Variants in LOXL2 observed in about 807,000 individuals in gnomAD.
LOXL2 encodes the protein lysyl oxidase like 2, also known as lysyl oxidase homolog 2.
A neutral mutation model predicts 93.0 loss-of-function variants in LOXL2; 70 were observed. That is an observed-to-expected ratio of 0.75 (90% CI 0.62 to 0.92). The LOEUF is 0.92. Among genes scored for constraint, LOXL2 ranks in the 40% least tolerant of loss-of-function variants. The probability of loss-of-function intolerance (pLI) is 0.00; values close to 1 mark genes in which losing one functional copy is unlikely to be tolerated. For missense variants in LOXL2, 973 were observed against 1,054.9 expected, an observed-to-expected ratio of 0.92 and a Z score of 1.08; for synonymous variants, 438 against 413.2, an observed-to-expected ratio of 1.06 and a Z score of -0.73.
At chr8:23,361,161 A>C (rs1489748465) in intron 2 of LOXL2, among the ~76,000 whole-genome samples, 1 of 152,030 alleles carries the variant, frequency 6.6e-6, no homozygotes, top group African/African-American at 2.4e-5. Context: ...AGCCTCACAA[A>C]GTGCTGGGAT....
At chr8:23,338,425 G>T (rs1803830658) in intron 4 of LOXL2, among the ~76,000 whole-genome samples, 1 of 152,090 alleles carries the variant, frequency 6.6e-6, no homozygotes. Flanking sequence ...CGGGGTGGGG[G>T]GGCCCAAGGT....
Position 23,333,432 on chromosome 8 carries a change from G to A in LOXL2, c.935C>T (p.Pro312Leu), listed in dbSNP as rs1803737711. The change falls in exon 5 of 14, where the codon CCC becomes CTC. Residue 312 changes from proline (P) to leucine (L), a missense_variant. Coordinates refer to ENST00000389131, the MANE Select transcript of LOXL2 (RefSeq NM_002318.3). ...VPGQVFSPDGPSRFRKAYKPE... is the reference protein window; with the variant it reads ...VPGQVFSPDGLSRFRKAYKPE... The stretch of plus-strand genomic sequence containing the variant: ...CTTGTACGCTTTCCGGAATCTTGAG[G>A]GTCCGTCAGGGCTGAAGACCTGCCC... 1.2e-6 allele frequency: 2 copies of A among 1,613,858 alleles called. No individual in the cohort carries two copies. Among genetic ancestry groups the A allele is most frequent in the Non-Finnish European group, 1.7e-6 (2 of 1,180,024 alleles).
At chr8:23,392,570 C>T (rs1040127077) in intron 1 of LOXL2, among the ~76,000 whole-genome samples, 1 of 152,196 alleles carries the variant, frequency 6.6e-6, no homozygotes, top group East Asian at 1.9e-4. Flanking sequence ...TAGTCTTACT[C>T]CATCTCCAGA....
At chr8:23,304,703 TC>T (rs758263104) in intron 10 of LOXL2, among the ~76,000 whole-genome samples, 2 of 152,020 alleles carry the variant, frequency 1.3e-5, no homozygotes, top group Admixed American at 1.3e-4. Flanking sequence ...GACATACCTG[TC>T]CCCTTCCTCG....
intron 2 of LOXL2, among the ~76,000 whole-genome samples, chr8:23,362,693 C>T (rs1804320533): frequency 6.6e-6 from 1 of 152,052 alleles, no homozygotes; most frequent in African/African-American, 2.4e-5. Flanking sequence ...GTGATTGTGC[C>T]ATTGCATTCC....
intron 1 of LOXL2, among the ~76,000 whole-genome samples, chr8:23,378,916 G>A (rs979473614): frequency 6.6e-6 from 1 of 152,186 alleles, no homozygotes; most frequent in African/African-American, 2.4e-5. Context: ...TTGATCGTCT[G>A]AAGCCTTCTT....
At chr8:23,320,894 C>G (rs1158684785) in intron 7 of LOXL2, among the ~76,000 whole-genome samples, 1 of 70,800 alleles carries the variant, frequency 1.4e-5, no homozygotes, top group African/African-American at 4.3e-5. Context: ...GGCAACAGAG[C>G]AAGACCGTCT....
intron 3 of LOXL2, among the ~76,000 whole-genome samples, chr8:23,354,672 C>T (rs1348175379): frequency 1.3e-5 from 2 of 150,958 alleles, no homozygotes; most frequent in Non-Finnish European, 3.0e-5. Context: ...TGGGCACACA[C>T]TATGTGGGAT....
At position 23,328,559 on chromosome 8, in the gene LOXL2, G is replaced by A. The variant is rs1190568636; in HGVS notation, c.973C>T (p.Leu325=). 17 of 1,613,858 alleles carry A rather than the reference G, an allele frequency of 1.1e-5. 1 individual carries two copies. The highest frequency in any genetic ancestry group is 6.7e-5 in the East Asian group (3 of 44,872). Residue 325 remains leucine, a synonymous_variant, in exon 6 of 14, where the codon CTG becomes TTG. Coordinates refer to ENST00000389131, the MANE Select transcript of LOXL2 (RefSeq NM_002318.3). The part of the protein sequence containing the change: ...FRKAYKPEQP[L]VRLRGGAYIG... ...TAGGCACCGCCTCTCAGTCGCACCA[G>A]GGGTTGCTGAAGAGACACACGGTCC...
intron 4 of LOXL2, among the ~76,000 whole-genome samples, chr8:23,339,231 G>A (rs1034509367): frequency 1.3e-5 from 2 of 152,182 alleles, no homozygotes; most frequent in African/African-American, 2.4e-5. Flanking sequence ...TCCTCTGCTA[G>A]GAAGGCAGCC....
chr8:23,348,261 T>TG (rs369269603), intron 3 of LOXL2, among the ~76,000 whole-genome samples: 1 of 14,226 alleles, frequency 7.0e-5, no homozygotes, highest in Admixed American at 9.5e-4. Context: ...TGTCGTGGGG[T>TG]GGGGGGAGGG....
chr8:23,317,194 A>G, intron 8 of LOXL2, 80 bp from the exon 9 acceptor site: 1 of 1,455,186 alleles, frequency 6.9e-7, no homozygotes, highest in East Asian at 2.3e-5. Flanking sequence ...TTGCAGCCTC[A>G]CAAAAATCCC....
intron 4 of LOXL2, among the ~76,000 whole-genome samples, chr8:23,338,747 C>G (rs1373344948): frequency 6.6e-6 from 1 of 152,218 alleles, no homozygotes; most frequent in Non-Finnish European, 1.5e-5. Context: ...CAGACCTCTG[C>G]AGTCCTCAGC....
rs1804380695 is a variant in LOXL2, at chr8:23,365,315, ACT to A, written c.355+2680_355+2681del. On this transcript the variant is annotated intron_variant, in intron 2 of 13. Coordinates refer to ENST00000389131, the MANE Select transcript of LOXL2 (RefSeq NM_002318.3). ...CACTATACCCAGAACTCTTTTGCCA[ACT>A]CTTTTTCCTATTCTGCCAAATCAAA... The A allele has an allele frequency of 2.6e-5, 4 of 152,128 alleles. No homozygotes were observed. The South Asian group carries it at 8.3e-4, about 32-fold the overall frequency. 9.4% of individuals were successfully genotyped at this position (152,128 alleles called of 1,614,324 possible).
Position 23,321,763 on chromosome 8 carries a change from AAG to A in LOXL2, c.1302+365_1302+366del, listed in dbSNP as rs964448815. 2.0e-4 allele frequency: 40 copies of A among 200,714 alleles called. No individual in the cohort carries two copies. The East Asian group carries it at 2.3e-3, about 11-fold the overall frequency. The allele number at this position is 200,714 out of a possible 1,614,324, so 12.4% of individuals were successfully genotyped here. A position where few individuals can be genotyped will look rare whatever the true frequency, so the allele number is the denominator to read the frequency against. On this transcript the variant is annotated intron_variant, in intron 7 of 13. Coordinates refer to ENST00000389131, the MANE Select transcript of LOXL2 (RefSeq NM_002318.3). Reference sequence around the variant, plus strand: ...TTTTTTTCTGAACATGAATAGAGGAAAGAGAACGCCTCCAGCCAGCAGAGCAC... The same window carrying A: ...TTTTTTTCTGAACATGAATAGAGGAAAGAACGCCTCCAGCCAGCAGAGCAC...
In LOXL2 at chr8:23,309,941, G is replaced by A. The variant is rs765530911; in HGVS notation, c.1637-30C>T. On this transcript the variant is annotated intron_variant, in intron 9 of 13. Transcript: ENST00000389131. ...GGAGGATGGCATGCTGGTCAACAAGGCAAGAGACCCCTCCCCAGGGCTTCT... is the reference window on the plus strand; with the variant it reads ...GGAGGATGGCATGCTGGTCAACAAGACAAGAGACCCCTCCCCAGGGCTTCT... 3 of 1,431,358 alleles carry A rather than the reference G, an allele frequency of 2.1e-6. 1 individual carries two copies. The highest frequency in any genetic ancestry group is 3.1e-5 in the South Asian group (2 of 63,570). 88.7% of individuals were successfully genotyped at this position (1,431,358 alleles called of 1,614,324 possible).
At chr8:23,346,723 C>T (rs1347640731) in intron 3 of LOXL2, among the ~76,000 whole-genome samples, 1 of 152,208 alleles carries the variant, frequency 6.6e-6, no homozygotes, top group East Asian at 1.9e-4. Flanking sequence ...ACATCACAGT[C>T]GCTCTAAACT....
At chr8:23,376,512 T>C (rs1804595427) in intron 1 of LOXL2, among the ~76,000 whole-genome samples, 1 of 152,226 alleles carries the variant, frequency 6.6e-6, no homozygotes, top group Admixed American at 6.5e-5. Flanking sequence ...TCAGAAGGAA[T>C]GGTACCAGCT....
At chr8:23,371,675 C>T (rs1458740746) in intron 1 of LOXL2, among the ~76,000 whole-genome samples, 1 of 139,698 alleles carries the variant, frequency 7.2e-6, no homozygotes, top group Non-Finnish European at 1.5e-5. Context: ...TGGCGTGAAC[C>T]CAGGAGGTGG....
Sources: gnomAD v4.1 joint callset for allele counts (sites outside exome capture counted in the v4.1 genomes callset) on GRCh38, gnomAD v4.1.1 for gene constraint, MANE v1.5 for transcripts, NCBI Gene and HGNC (gene_info 2026-07-23, HGNC 2026-07-21) for gene names.